Variants in ZDHHC11B observed in about 807,000 individuals in gnomAD.
ZDHHC11B encodes the protein zDHHC palmitoyltransferase 11B (putative).
In ZDHHC11B, 17 loss-of-function variants were observed where a neutral mutation model predicts 42.3. That is an observed-to-expected ratio of 0.40 (90% CI 0.27 to 0.60). ZDHHC11B has a LOEUF of 0.60. Among genes scored for constraint, ZDHHC11B ranks in the 20% least tolerant of loss-of-function variants. The pLI is 0.41. For missense variants in ZDHHC11B, 262 were observed against 463.2 expected, an observed-to-expected ratio of 0.57 and a Z score of 3.99; for synonymous variants, 123 against 193.5, an observed-to-expected ratio of 0.64 and a Z score of 3.02.
chr5:734,019 C>T (rs780387421), intron 10 of ZDHHC11B, among the ~76,000 whole-genome samples, 180 bp from the exon 11 acceptor site: 11 of 146,710 alleles, frequency 7.5e-5, no homozygotes, highest in Non-Finnish European at 1.5e-4. Flanking sequence ...TGTGCAGTGG[C>T]ACACGTAAGA....
At chr5:718,363 G>A (rs1009777652) in intron 12 of ZDHHC11B, among the ~76,000 whole-genome samples, 1 of 151,732 alleles carries the variant, frequency 6.6e-6, no homozygotes, top group African/African-American at 2.4e-5. Context: ...AGACATGTAT[G>A]GGAGAGTGCT....
intron 1 of ZDHHC11B, among the ~76,000 whole-genome samples, chr5:774,020 G>A (rs1223250624): frequency 5.9e-5 from 9 of 151,994 alleles, no homozygotes; most frequent in Non-Finnish European, 1.3e-4. Flanking sequence ...GTGGCTGTCC[G>A]AAGCATCCTC....
chr5:767,184 C>G (rs1735556618), intron 3 of ZDHHC11B, among the ~76,000 whole-genome samples: 1 of 151,972 alleles, frequency 6.6e-6, no homozygotes, highest in African/African-American at 2.4e-5. Context: ...GAAAATGGCT[C>G]TCCAGGGTGT....
intron 1 of ZDHHC11B, among the ~76,000 whole-genome samples, chr5:774,899 G>A (rs1267526582): frequency 6.6e-6 from 1 of 151,974 alleles, no homozygotes; most frequent in African/African-American, 2.4e-5. Flanking sequence ...CCCACGCGGG[G>A]GTGGCGCCGA....
chr5:721,106 A>G (rs1222203873), intron 12 of ZDHHC11B, among the ~76,000 whole-genome samples: 6 of 151,678 alleles, frequency 4.0e-5, no homozygotes, highest in African/African-American at 1.5e-4. Context: ...CCTGTCTCAA[A>G]AAAAAATCTA....
At chr5:744,776 T>C (rs1744560122) in intron 9 of ZDHHC11B, among the ~76,000 whole-genome samples, 2 of 148,774 alleles carry the variant, frequency 1.3e-5, no homozygotes, top group Non-Finnish European at 3.0e-5. Flanking sequence ...GAGGCTGAGG[T>C]AGGCAAACTG....
chr5:749,332 G>A (rs1187897697), intron 7 of ZDHHC11B, among the ~76,000 whole-genome samples: 14 of 130,660 alleles, frequency 1.1e-4, no homozygotes, highest in Admixed American at 4.4e-4. Context: ...AAAATCAGGC[G>A]TAATGCAGAA....
Position 778,121 on chromosome 5 carries a change from G to T in ZDHHC11B, c.-230+6547C>A, listed in dbSNP as rs1483551376. ...GGACGCTGCGGCGGAGACTGATACG[G>T]GTCTGAGATGGCTGTCCAAGGCCCA... On this transcript the variant is annotated intron_variant, in intron 1 of 13. Coordinates refer to ENST00000508859, the MANE Select transcript of ZDHHC11B (RefSeq NM_001351303.2). 1.3e-5 allele frequency among the ~76,000 whole-genome samples: 2 copies of T among 151,904 alleles called. 1 individual carries two copies. The highest frequency in any genetic ancestry group is 4.8e-5 in the African/African-American group (2 of 41,356).
In ZDHHC11B at chr5:747,657, C is replaced by G. The variant is rs393758; in HGVS notation, c.784+747G>C. ...CCCGATCCCCTCTGCCCTGACTAGG[C>G]GTTGGCCAAGCTGTCAGGAGCAGGG... On this transcript the variant is annotated intron_variant, in intron 8 of 13. Coordinates refer to ENST00000508859, the MANE Select transcript of ZDHHC11B (RefSeq NM_001351303.2). 800 of 162,798 alleles carry G rather than the reference C, an allele frequency of 4.9e-3. 27 individuals carry two copies. The highest frequency in any genetic ancestry group is 6.1e-3 in the Middle Eastern group (2 of 330). The allele number at this position is 162,798 out of a possible 1,614,324, so 10.1% of individuals were successfully genotyped here.
At chr5:739,726 A>C (rs1422024955) in intron 10 of ZDHHC11B, among the ~76,000 whole-genome samples, 1 of 145,740 alleles carries the variant, frequency 6.9e-6, no homozygotes, top group Non-Finnish European at 1.5e-5. Context: ...AAAGAACTTA[A>C]AGGTAGAACT....
At chr5:747,077 G>A (rs1744931422) in intron 8 of ZDHHC11B, among the ~76,000 whole-genome samples, 1 of 94,542 alleles carries the variant, frequency 1.1e-5, no homozygotes, top group Non-Finnish European at 2.3e-5. Flanking sequence ...AAATATAAGA[G>A]AGATTGCTAG....
At position 716,376 on chromosome 5, in the gene ZDHHC11B, T is replaced by G. The variant is rs1225162913; in HGVS notation, c.*7+425A>C. On this transcript the variant is annotated intron_variant, in intron 13 of 13. Transcript: ENST00000508859. ...TTCACGGTTAAATTTCACTGCATTC[T>G]ATGGATCGTCCTAAATGTTTGAGCA... Among the ~76,000 whole-genome samples the G allele has an allele frequency of 2.6e-5, 4 of 151,768 alleles. No homozygotes were observed. In the East Asian group the frequency reaches 7.7e-4, roughly 29 times the overall value.
At chr5:718,781 C>T (rs756971895) in intron 12 of ZDHHC11B, among the ~76,000 whole-genome samples, 19 of 151,660 alleles carry the variant, frequency 1.3e-4, no homozygotes, top group Non-Finnish European at 8.8e-5. Context: ...GCTACCGCCT[C>T]GATTTCTTAG....
At chr5:777,972 G>C (rs1368312052) in intron 1 of ZDHHC11B, among the ~76,000 whole-genome samples, 1 of 151,898 alleles carries the variant, frequency 6.6e-6, no homozygotes, top group Non-Finnish European at 1.5e-5. Context: ...GCCCAGCAGG[G>C]AGGCGGCTGA....
intron 6 of ZDHHC11B, among the ~76,000 whole-genome samples, chr5:754,061 C>A (rs1746161544): frequency 7.6e-5 from 2 of 26,386 alleles, no homozygotes; most frequent in African/African-American, 5.6e-4. Flanking sequence ...TCAGGGGAAA[C>A]AACCTCTCGT....
intron 10 of ZDHHC11B, among the ~76,000 whole-genome samples, chr5:740,011 G>C (rs182565454): frequency 1.3e-5 from 2 of 152,060 alleles, no homozygotes; most frequent in Non-Finnish European, 2.9e-5. Context: ...ATTATTCTAA[G>C]TGAAGTAACT....
rs1389341657 is a variant in ZDHHC11B at position 716,840 on chromosome 5, T to C, written c.1084A>G (p.Met362Val). Residue 362 changes from methionine to valine, a missense_variant, in exon 13 of 14, where the codon ATG becomes GTG. Physicochemically the swap from Met to Val is conservative, Grantham distance 21. Coordinates refer to ENST00000508859, the MANE Select transcript of ZDHHC11B (RefSeq NM_001351303.2). ...LGLQQETTEP[M>V]KTDSAESED Reference sequence around the variant, plus strand: ...TCACTTTCAGCACTGTCAGTTTTCATGGGCTCTGTTGTTTCTTGTTGCAGC... The same window carrying C: ...TCACTTTCAGCACTGTCAGTTTTCACGGGCTCTGTTGTTTCTTGTTGCAGC... The C allele has an allele frequency of 4.3e-6, 7 of 1,613,180 alleles. No individual in the cohort carries two copies. The highest frequency in any genetic ancestry group is 2.2e-5 in the East Asian group (1 of 44,856).
intron 1 of ZDHHC11B, among the ~76,000 whole-genome samples, chr5:771,443 C>T (rs1206538848): frequency 9.6e-5 from 14 of 145,896 alleles, no homozygotes; most frequent in South Asian, 2.2e-4. Context: ...GGGGCTGGGC[C>T]GCATGGGGGC....
At position 758,587 on chromosome 5, in the gene ZDHHC11B, C is replaced by A. The variant is rs370467232; in HGVS notation, c.223-2443G>T. On this transcript the variant is annotated intron_variant, in intron 4 of 13. Coordinates refer to ENST00000508859, the MANE Select transcript of ZDHHC11B (RefSeq NM_001351303.2). Reference sequence around the variant, plus strand: ...CCGTGGAGCTGCCTGAGCCCATTCCCGAGCCAGTCCCCAAACCTGCAGGCG... The same window carrying A: ...CCGTGGAGCTGCCTGAGCCCATTCCAGAGCCAGTCCCCAAACCTGCAGGCG... Among the ~76,000 whole-genome samples the A allele has an allele frequency of 3.3e-5, 5 of 151,730 alleles. 1 individual carries two copies. The highest frequency in any genetic ancestry group is 1.2e-4 in the African/African-American group (5 of 41,298).
Sources: allele counts gnomAD v4.1 joint callset (sites outside exome capture counted in the v4.1 genomes callset), GRCh38; gene constraint gnomAD v4.1.1; transcripts MANE v1.5; gene names NCBI Gene and HGNC (gene_info 2026-07-23, HGNC 2026-07-21).